The following CCDC158 variants were observed in gnomAD, a reference collection of about 807,000 sequenced individuals.
The protein encoded by CCDC158 is coiled-coil domain containing 158, also known as coiled-coil domain-containing protein 158.
CCDC158 carries 116 observed loss-of-function variants against 138.6 expected under a neutral mutation model. The ratio of observed to expected loss-of-function variants is 0.84; its 90% CI spans 0.72 to 0.98. The LOEUF is 0.98. CCDC158 is among the 50% of genes least tolerant of loss of function. The pLI, the probability that CCDC158 is intolerant of heterozygous loss-of-function variation, is 0.00. For missense variants in CCDC158, 1,265 were observed against 1,306.1 expected (o/e 0.97, Z 0.48); for synonymous variants, 436 against 442.4 (o/e 0.99, Z 0.18).
chr4:76,355,515 T>TGA (rs1723463053), intron 14 of CCDC158, 79 bp from the exon 15 acceptor site: 1 of 923,880 alleles, frequency 1.1e-6, no homozygotes, highest in Non-Finnish European at 1.8e-6. Flanking sequence ...TTAAACTTTA[T>TGA]GAGAAGGTGA....
At chr4:76,341,077 A>G (rs1407679637) in intron 18 of CCDC158, among the ~76,000 whole-genome samples, 2 of 152,168 alleles carry the variant, frequency 1.3e-5, no homozygotes, top group Non-Finnish European at 2.9e-5. Context: ...GACTCTGAAA[A>G]CATTGACTCT....
chr4:76,323,845 T>C (rs1720273199), intron 23 of CCDC158, among the ~76,000 whole-genome samples: 1 of 152,204 alleles, frequency 6.6e-6, no homozygotes. Flanking sequence ...GTGCCCACGT[T>C]AGTTCTGTCA....
Position 76,362,153 on chromosome 4 carries a change from T to C in CCDC158, c.1993A>G (p.Ser665Gly), listed in dbSNP as rs1381943199. The change falls in exon 13 of 25, where the codon AGT (serine) becomes GGT (glycine). Residue 665 changes from serine (S) to glycine (G), a missense_variant. Coordinates refer to ENST00000682701, the MANE Select transcript of CCDC158 (RefSeq NM_001394954.1). ...RDQLLNEVKT[S>G]RSELNNLSEE... ...GAAAGATTGTTTAATTCACTCCTAC[T>C]TGTTTTCACCTCATTTAATAATTGA... is the stretch of plus-strand genomic sequence containing the variant. 10 of 1,613,990 alleles carry C rather than the reference T, an allele frequency of 6.2e-6. No homozygotes were observed. Among genetic ancestry groups the C allele is most frequent in the Non-Finnish European group, 8.5e-6 (10 of 1,180,000 alleles).
In CCDC158 at chr4:76,396,328, C is replaced by G. The variant is rs778119188; in HGVS notation, c.229G>C (p.Glu77Gln). 55 of 1,613,798 alleles carry G rather than the reference C, an allele frequency of 3.4e-5. No homozygotes were observed. Among genetic ancestry groups the G allele is most frequent in the Non-Finnish European group, 4.6e-5 (54 of 1,179,912 alleles). Residue 77 changes from glutamate to glutamine, a missense_variant, in exon 4 of 25, where the codon GAA (glutamate) becomes CAA (glutamine). Transcript: ENST00000682701. ...TGTGAATATTCTTCCAAAACACGTT[C>G]AAAGTGTTCCTTTCCAGGAGATGGG... The part of the protein sequence containing the change: ...IIPSPGKEHF[E>Q]RVLEEYSHQV...
intron 18 of CCDC158, among the ~76,000 whole-genome samples, chr4:76,338,863 A>G (rs1721788856): frequency 6.6e-6 from 1 of 152,202 alleles, no homozygotes; most frequent in African/African-American, 2.4e-5. Flanking sequence ...GATAAAAACA[A>G]TCATCACTGG....
chr4:76,322,099 T>G (rs1042097693), intron 24 of CCDC158, among the ~76,000 whole-genome samples: 6 of 151,854 alleles, frequency 4.0e-5, no homozygotes, highest in Admixed American at 3.9e-4. Context: ...TAAAGAACTT[T>G]TCCCTGTAAC....
chr4:76,417,373 T>C (rs905019355), intron 1 of CCDC158, among the ~76,000 whole-genome samples: 3 of 143,272 alleles, frequency 2.1e-5, no homozygotes, highest in East Asian at 3.9e-4. Flanking sequence ...CTGAAGACTT[T>C]TGCATTAATG....
In CCDC158 at chr4:76,384,428, TG is replaced by T; in HGVS notation, c.399-14del. On this transcript the variant is annotated splice_polypyrimidine_tract_variant and intron_variant, in intron 5 of 24. Coordinates refer to ENST00000682701, the MANE Select transcript of CCDC158 (RefSeq NM_001394954.1). ...ACTCTCCCTTCGTCTATGAAATAAA[TG>T]AAAGAAAATAAATAACATTGATAAA... 1 of 1,595,620 alleles carries T rather than the reference TG, an allele frequency of 6.3e-7. No individual in the cohort carries two copies. Among genetic ancestry groups the T allele is most frequent in the South Asian group, 1.1e-5 (1 of 88,500 alleles).
chr4:76,344,930 T>A (rs1722399354), intron 18 of CCDC158: 3 of 1,529,494 alleles, frequency 2.0e-6, no homozygotes, highest in Non-Finnish European at 1.8e-6. Flanking sequence ...GTTTGGTGGC[T>A]TCTTCAAAAG....
At chr4:76,334,550 A>G (rs570267984) in intron 18 of CCDC158, among the ~76,000 whole-genome samples, 81 of 152,336 alleles carry the variant, frequency 5.3e-4, no homozygotes, top group Non-Finnish European at 4.4e-4. Flanking sequence ...TGATAAAGCA[A>G]CAAAACCTGA....
chr4:76,351,939 A>G (rs1402006500), intron 16 of CCDC158, 127 bp from the exon 17 acceptor site: 1 of 616,482 alleles, frequency 1.6e-6, no homozygotes, highest in Non-Finnish European at 2.9e-6. Context: ...ACTATATTAC[A>G]ATGATCTATT....
At chr4:76,387,809 A>G (rs1726947539) in intron 4 of CCDC158, among the ~76,000 whole-genome samples, 1 of 125,990 alleles carries the variant, frequency 7.9e-6, no homozygotes, top group Non-Finnish European at 1.7e-5. Flanking sequence ...GGCGACAGAG[A>G]CAGACTACAA....
intron 23 of CCDC158, among the ~76,000 whole-genome samples, chr4:76,325,631 A>T (rs981108908): frequency 4.6e-5 from 7 of 152,222 alleles, no homozygotes; most frequent in African/African-American, 1.7e-4. Flanking sequence ...TCATTTAGAG[A>T]AAAAGAGAGA....
intron 3 of CCDC158, among the ~76,000 whole-genome samples, chr4:76,399,172 TG>T (rs1728106696): frequency 1.3e-5 from 2 of 152,180 alleles, no homozygotes; most frequent in Admixed American, 1.3e-4. Context: ...AAAGCAAATA[TG>T]ACAAAATGTG....
At chr4:76,355,627 A>G (rs1723474097) in intron 14 of CCDC158, among the ~76,000 whole-genome samples, 191 bp from the exon 15 acceptor site, 1 of 152,094 alleles carries the variant, frequency 6.6e-6, no homozygotes, top group Non-Finnish European at 1.5e-5. Context: ...TTTAACTACT[A>G]CTAGAGATTT....
intron 11 of CCDC158, 78 bp from the exon 12 acceptor site, chr4:76,367,854 A>G: frequency 1.5e-6 from 2 of 1,370,914 alleles, no homozygotes; most frequent in Non-Finnish European, 2.0e-6. Flanking sequence ...AAGTTAACTT[A>G]AAAGCATGAA....
At chr4:76,339,235 C>T (rs1171388560) in intron 18 of CCDC158, among the ~76,000 whole-genome samples, 3 of 152,088 alleles carry the variant, frequency 2.0e-5, no homozygotes, top group Middle Eastern at 3.4e-3. Flanking sequence ...GTGTCTGCAC[C>T]GAGAGCATCA....
intron 3 of CCDC158, among the ~76,000 whole-genome samples, chr4:76,399,401 G>A (rs990317747): frequency 1.3e-5 from 2 of 152,042 alleles, no homozygotes; most frequent in African/African-American, 2.4e-5. Context: ...GGCAAACCAC[G>A]ATGGCACACA....
In CCDC158 at chr4:76,383,741, G is replaced by C. The variant is rs766918791; in HGVS notation, c.727-3C>G. ...AGTGCTTCAAGTTGATCCTCTACCTGGTTTTTAAAAAGAGACACTGATTTA... is the reference window on the plus strand; with the variant it reads ...AGTGCTTCAAGTTGATCCTCTACCTCGTTTTTAAAAAGAGACACTGATTTA... On this transcript the variant is annotated splice_polypyrimidine_tract_variant and splice_region_variant and intron_variant, in intron 6 of 24. Transcript: ENST00000682701. 6 of 1,609,060 alleles carry C rather than the reference G, an allele frequency of 3.7e-6. No individual in the cohort carries two copies. The highest frequency in any genetic ancestry group is 5.1e-6 in the Non-Finnish European group (6 of 1,176,012).
Sources: gnomAD v4.1 joint callset for allele counts (sites outside exome capture counted in the v4.1 genomes callset) on GRCh38, gnomAD v4.1.1 for gene constraint, MANE v1.5 for transcripts, NCBI Gene and HGNC (gene_info 2026-07-23, HGNC 2026-07-21) for gene names.